Variants in TPD52L1 observed in about 807,000 individuals in gnomAD.
The protein encoded by TPD52L1 is tumor protein D53.
A neutral mutation model predicts 28.7 loss-of-function variants in TPD52L1; 18 were observed. That is an observed-to-expected ratio of 0.63 (90% CI 0.43 to 0.93). TPD52L1 has a LOEUF of 0.93. Among genes scored for constraint, TPD52L1 ranks in the 40% least tolerant of loss-of-function variants. The pLI is 0.00. For synonymous variants in TPD52L1, 75 were observed against 88.8 expected, an observed-to-expected ratio of 0.84 and a Z score of 0.88; for missense variants, 203 against 254.8, an observed-to-expected ratio of 0.80 and a Z score of 1.39.
In TPD52L1 at chr6:125,233,713, T is replaced by C. The variant is rs9372810; in HGVS notation, c.284+4447T>C. ...CTCATAAGAGGAAATATATTCGTGC[T>C]GTAAAATATCTTCTTCTAAAAAGAT... On this transcript the variant is annotated intron_variant, in intron 3 of 6. Coordinates refer to ENST00000534000, the MANE Select transcript of TPD52L1 (RefSeq NM_003287.4). 5.9e-5 allele frequency among the ~76,000 whole-genome samples: 9 copies of C among 152,370 alleles called. No homozygotes were observed. The East Asian group carries it at 1.5e-3, about 26-fold the overall frequency.
At chr6:125,204,402 G>A (rs545390189) in intron 1 of TPD52L1, among the ~76,000 whole-genome samples, 153 of 152,294 alleles carry the variant, frequency 1.0e-3, no homozygotes, top group African/African-American at 3.5e-3. Context: ...AATGGTCATT[G>A]CATTGGTTGC....
At chr6:125,186,169 C>G (rs1343177289) in intron 1 of TPD52L1, among the ~76,000 whole-genome samples, 1 of 152,126 alleles carries the variant, frequency 6.6e-6, no homozygotes, top group Non-Finnish European at 1.5e-5. Context: ...CAAGCATGAG[C>G]CACCGTGGCT....
At chr6:125,193,174 G>A (rs538255644) in intron 1 of TPD52L1, among the ~76,000 whole-genome samples, 3 of 152,338 alleles carry the variant, frequency 2.0e-5, no homozygotes, top group African/African-American at 7.2e-5. Context: ...CTCTAACTCT[G>A]AAAGCCAACC....
rs368682076 is a variant in TPD52L1 at position 125,179,834 on chromosome 6, TA to T, written c.19+25867del. 4.1e-3 allele frequency among the ~76,000 whole-genome samples: 625 copies of T among 152,288 alleles called. 5 individuals carry two copies. The highest frequency in any genetic ancestry group is 0.014 in the African/African-American group (601 of 41,556). ...AAATGTGAAGAAGGCAGCTCTTACT[TA>T]AAGGGAGTTTTTTTCTGCTCTCATG... is the stretch of plus-strand genomic sequence containing the variant. On this transcript the variant is annotated intron_variant, in intron 1 of 6. Transcript: ENST00000534000.
intron 1 of TPD52L1, among the ~76,000 whole-genome samples, chr6:125,194,068 AG>A (rs1793247552): frequency 6.6e-6 from 1 of 150,888 alleles, no homozygotes; most frequent in African/African-American, 2.4e-5. Flanking sequence ...GGCTGATAAA[AG>A]GACAAGGCCC....
chr6:125,212,566 A>G (rs1167640193), intron 1 of TPD52L1, among the ~76,000 whole-genome samples: 1 of 152,236 alleles, frequency 6.6e-6, no homozygotes, highest in African/African-American at 2.4e-5. Flanking sequence ...AGGTTGAAGG[A>G]GGCACTTTAA....
intron 1 of TPD52L1, among the ~76,000 whole-genome samples, chr6:125,198,438 C>T (rs546733208): frequency 2.1e-4 from 32 of 152,156 alleles, no homozygotes; most frequent in Non-Finnish European, 4.3e-4. Flanking sequence ...TGCATACATA[C>T]TTGCATGCAT....
chr6:125,169,194 CCTT>C (rs112147119), intron 1 of TPD52L1, among the ~76,000 whole-genome samples: 1 of 152,168 alleles, frequency 6.6e-6, no homozygotes, highest in African/African-American at 2.4e-5. Flanking sequence ...CAGTTCTCCT[CCTT>C]CTTCTCAGTC....
At chr6:125,201,698 T>C (rs1241795356) in intron 1 of TPD52L1, among the ~76,000 whole-genome samples, 3 of 152,228 alleles carry the variant, frequency 2.0e-5, no homozygotes, top group African/African-American at 7.2e-5. Flanking sequence ...TTCTAATTTG[T>C]GCTTTCCCTA....
intron 1 of TPD52L1, among the ~76,000 whole-genome samples, chr6:125,177,262 AGCTG>A (rs1363363890): frequency 6.6e-6 from 1 of 152,188 alleles, no homozygotes; most frequent in Non-Finnish European, 1.5e-5. Flanking sequence ...GCACTTGCTC[AGCTG>A]GTTTTGTCCA....
chr6:125,171,846 C>A (rs1215474658), intron 1 of TPD52L1, among the ~76,000 whole-genome samples: 1 of 152,196 alleles, frequency 6.6e-6, no homozygotes, highest in African/African-American at 2.4e-5. Context: ...TTGTTTTAAG[C>A]AGCTAACTCT....
At chr6:125,197,239 C>CTGTTTTATG (rs1262747545) in intron 1 of TPD52L1, among the ~76,000 whole-genome samples, 1 of 152,184 alleles carries the variant, frequency 6.6e-6, no homozygotes, top group African/African-American at 2.4e-5. Flanking sequence ...AGATGAAAAT[C>CTGTTTTATG]TGTTTTATGT....
chr6:125,175,309 G>T (rs533645422), intron 1 of TPD52L1, among the ~76,000 whole-genome samples: 1 of 152,222 alleles, frequency 6.6e-6, no homozygotes, highest in South Asian at 2.1e-4. Flanking sequence ...AACCAAGCAG[G>T]TGGTAGCAGC....
intron 6 of TPD52L1, chr6:125,261,018 GAA>G (rs72134189): frequency 7.0e-5 from 3 of 43,124 alleles, no homozygotes; most frequent in Admixed American, 6.4e-4. Context: ...AAGAAAGAAA[GAA>G]AAGAAAAGAA....
At chr6:125,177,435 T>C (rs1791894139) in intron 1 of TPD52L1, among the ~76,000 whole-genome samples, 1 of 152,198 alleles carries the variant, frequency 6.6e-6, no homozygotes, top group Non-Finnish European at 1.5e-5. Context: ...CATCATAATT[T>C]AGAGTTGGAG....
chr6:125,180,596 T>TCACA (rs1460854484), intron 1 of TPD52L1, among the ~76,000 whole-genome samples: 1 of 140,950 alleles, frequency 7.1e-6, no homozygotes, highest in Non-Finnish European at 1.6e-5. Context: ...ACACACACAC[T>TCACA]CACACACACA....
chr6:125,194,106 G>T (rs184332153), intron 1 of TPD52L1, among the ~76,000 whole-genome samples: 1 of 149,136 alleles, frequency 6.7e-6, no homozygotes, highest in South Asian at 2.1e-4. Flanking sequence ...TAATAGTAGT[G>T]GACTGGAACT....
chr6:125,193,667 A>G (rs1164726128), intron 1 of TPD52L1, among the ~76,000 whole-genome samples: 1 of 152,242 alleles, frequency 6.6e-6, no homozygotes, highest in African/African-American at 2.4e-5. Flanking sequence ...TATGCAACAC[A>G]CATACAGATG....
intron 3 of TPD52L1, among the ~76,000 whole-genome samples, chr6:125,243,669 A>G (rs566254124): frequency 6.6e-6 from 1 of 152,090 alleles, no homozygotes; most frequent in East Asian, 1.9e-4. Context: ...CTTATGATAT[A>G]TATTTCTCTG....
Sources: gnomAD v4.1 joint callset for allele counts (sites outside exome capture counted in the v4.1 genomes callset) on GRCh38, gnomAD v4.1.1 for gene constraint, MANE v1.5 for transcripts, NCBI Gene and HGNC (gene_info 2026-07-23, HGNC 2026-07-21) for gene names.